Variants in PPM1E observed in about 807,000 individuals in gnomAD.
The protein encoded by PPM1E is protein phosphatase 1E.
A neutral mutation model predicts 65.9 loss-of-function variants in PPM1E; 20 were observed. The ratio of observed to expected loss-of-function variants is 0.30; its 90% CI spans 0.21 to 0.44. The LOEUF (loss-of-function observed/expected upper bound fraction) is 0.44. PPM1E is among the 20% of genes least tolerant of loss of function. The probability of loss-of-function intolerance (pLI) is 1.00; values close to 1 mark genes in which losing one functional copy is unlikely to be tolerated. For missense variants in PPM1E, 713 were observed against 953.1 expected (o/e 0.75, Z 3.32); for synonymous variants, 352 against 374.9 (o/e 0.94, Z 0.70).
intron 1 of PPM1E, among the ~76,000 whole-genome samples, chr17:58,942,398 G>T (rs888387651): frequency 6.6e-6 from 1 of 152,088 alleles, no homozygotes; most frequent in Non-Finnish European, 1.5e-5. Flanking sequence ...AAAAGAAAAA[G>T]AAATATTGAT....
Position 58,980,669 on chromosome 17 carries a change from G to C in PPM1E, c.1906G>C (p.Gly636Arg), listed in dbSNP as rs751110645. ...FPTAFNLGST[G>R]EQIYRMQSLS... is the part of the protein sequence containing the mutation. ...CACTGCTTTCAATTTGGGTTCAACA[G>C]GGGAGCAGATATACAGAATGCAGAG... Residue 636 changes from glycine (G) to arginine (R), a missense_variant, in exon 7 of 7, where the codon GGG becomes CGG. This residue lies in a region of PPM1E where 286 missense variants were observed against 313.8 expected (regional missense o/e 0.91). Coordinates refer to ENST00000308249, the MANE Select transcript of PPM1E (RefSeq NM_014906.5). This position sits in a 1 kb window ranked among gnomAD's most constrained non-coding sequence, Gnocchi z 4.7. The C allele has an allele frequency of 1.2e-6, 2 of 1,614,198 alleles. No individual in the cohort carries two copies. The highest frequency in any genetic ancestry group is 1.1e-5 in the South Asian group (1 of 91,084).
chr17:58,775,862 C>T (rs1443742821), intron 1 of PPM1E, among the ~76,000 whole-genome samples: 1 of 129,178 alleles, frequency 7.7e-6, no homozygotes, highest in Non-Finnish European at 1.6e-5. Context: ...TGCAGTGAGC[C>T]GAGATTGCGC....
intron 1 of PPM1E, among the ~76,000 whole-genome samples, chr17:58,932,638 G>C (rs991500935): frequency 2.0e-5 from 3 of 152,252 alleles, no homozygotes; most frequent in Admixed American, 6.5e-5. Context: ...TTTATACCAG[G>C]CCTAGGCCAG....
intron 1 of PPM1E, among the ~76,000 whole-genome samples, chr17:58,937,603 G>A (rs1413123425): frequency 2.0e-5 from 3 of 149,454 alleles, no homozygotes; most frequent in African/African-American, 7.3e-5. Flanking sequence ...ACGGCCGGGT[G>A]TGGTGGCTCA....
At chr17:58,804,975 A>G (rs1233495427) in intron 1 of PPM1E, among the ~76,000 whole-genome samples, 2 of 152,094 alleles carry the variant, frequency 1.3e-5, no homozygotes, top group Non-Finnish European at 1.5e-5. Flanking sequence ...TCTATCTAAC[A>G]GTATTTTTGT....
At chr17:58,965,943 A>G (rs755519269) in intron 3 of PPM1E, 50 bp downstream of exon 3, 39 of 1,531,060 alleles carry the variant, frequency 2.5e-5, no homozygotes, top group Non-Finnish European at 3.4e-5. Flanking sequence ...CAAAACAAAC[A>G]CCTTCATGGT....
rs561029031 is a variant in PPM1E, at chr17:58,953,832, C to T, written c.465-1817C>T. Among the ~76,000 whole-genome samples the T allele has an allele frequency of 2.6e-5, 4 of 151,150 alleles. No homozygotes were observed. The South Asian group carries it at 8.3e-4, about 31-fold the overall frequency. On this transcript the variant is annotated intron_variant, in intron 1 of 6. Transcript: ENST00000308249. The stretch of plus-strand genomic sequence containing the variant: ...GCACGATCTCGGCTCACCGCAACCT[C>T]CGCCTCCTGGGTTCAAGTGATTCTC...
chr17:58,812,303 CAAAAAA>C (rs35132799), intron 1 of PPM1E, among the ~76,000 whole-genome samples: 4 of 49,768 alleles, frequency 8.0e-5, no homozygotes, highest in East Asian at 7.0e-4. Flanking sequence ...GACTCTGTTT[CAAAAAA>C]AAAAAAAAAA....
Position 58,756,074 on chromosome 17 carries a change from G to A in PPM1E, c.77G>A (p.Cys26Tyr), listed in dbSNP as rs749977520. The change falls in exon 1 of 7, where the codon TGC (cysteine) becomes TAC (tyrosine). Residue 26 changes from cysteine (C) to tyrosine (Y), a missense_variant. Cys to Tyr is a radical substitution (Grantham distance 194, BLOSUM62 -2). Around this residue, in one of 6 missense-constraint regions of PPM1E, gnomAD observed 212 missense variants for 204.0 expected, o/e 1.04. Transcript: ENST00000308249. ...ELFLGEFRGP[C>Y]GGGEPEPEPE... ...TTCCTGGGCGAGTTTCGCGGACCGT[G>A]CGGCGGCGGCGAGCCGGAGCCGGAA... The A allele has an allele frequency of 6.2e-7, 1 of 1,610,924 alleles. No homozygotes were observed. Among genetic ancestry groups the A allele is most frequent in the African/African-American group, 1.3e-5 (1 of 74,584 alleles).
chr17:58,765,877 CTTTTTTTTTT>C (rs35401844), intron 1 of PPM1E, among the ~76,000 whole-genome samples: 101 of 122,868 alleles, frequency 8.2e-4, no homozygotes, highest in Non-Finnish European at 1.2e-3. Flanking sequence ...TTTGTAGTTT[CTTTTTTTTTT>C]TTTTTTTTTC....
At chr17:58,859,351 C>G (rs1013097591) in intron 1 of PPM1E, among the ~76,000 whole-genome samples, 2 of 152,220 alleles carry the variant, frequency 1.3e-5, no homozygotes, top group African/African-American at 2.4e-5. Context: ...ACCGTCCTTT[C>G]AAGGCTCAAA....
intron 1 of PPM1E, among the ~76,000 whole-genome samples, chr17:58,888,658 A>G (rs943600811): frequency 2.0e-5 from 3 of 152,018 alleles, no homozygotes; most frequent in Non-Finnish European, 4.4e-5. Context: ...ACACCCGGCC[A>G]GGACTCTTCT....
chr17:58,887,641 G>A (rs2051291646), intron 1 of PPM1E, among the ~76,000 whole-genome samples: 1 of 152,168 alleles, frequency 6.6e-6, no homozygotes, highest in Non-Finnish European at 1.5e-5. Flanking sequence ...TGGAACAAAA[G>A]TGAAAGAATA....
intron 1 of PPM1E, among the ~76,000 whole-genome samples, chr17:58,934,218 T>C (rs1339091128): frequency 2.6e-5 from 4 of 152,160 alleles, no homozygotes; most frequent in Non-Finnish European, 5.9e-5. Context: ...ATAGTACAAT[T>C]TGACTTTTTA....
At chr17:58,951,872 G>T (rs1598672736) in intron 1 of PPM1E, among the ~76,000 whole-genome samples, 1 of 152,112 alleles carries the variant, frequency 6.6e-6, no homozygotes, top group Non-Finnish European at 1.5e-5. Flanking sequence ...ATTGGGGTTT[G>T]TTCCTGGAAA....
intron 1 of PPM1E, among the ~76,000 whole-genome samples, chr17:58,934,813 G>GT (rs1214711378): frequency 6.6e-6 from 1 of 151,842 alleles, no homozygotes; most frequent in Non-Finnish European, 1.5e-5. Context: ...TGTAATCCCA[G>GT]CTACTCAGGA....
chr17:58,766,606 TACACAC>T (rs36067765), intron 1 of PPM1E, among the ~76,000 whole-genome samples: 15 of 123,672 alleles, frequency 1.2e-4, no homozygotes, highest in South Asian at 6.7e-4. Context: ...TGTGTGTGTA[TACACAC>T]ACACACACAC....
chr17:58,881,631 C>T (rs12953061), intron 1 of PPM1E, among the ~76,000 whole-genome samples: 3 of 152,102 alleles, frequency 2.0e-5, no homozygotes, highest in East Asian at 3.9e-4. Context: ...CACTGCACTC[C>T]AGCCTGGTGA....
At chr17:58,836,836 ACGGT>A (rs1215190897) in intron 1 of PPM1E, among the ~76,000 whole-genome samples, 2 of 146,138 alleles carry the variant, frequency 1.4e-5, no homozygotes, top group African/African-American at 2.5e-5. Flanking sequence ...CCTGGCTAAC[ACGGT>A]GAAACCCCGT....
Sources: gnomAD v4.1 joint callset for allele counts (sites outside exome capture counted in the v4.1 genomes callset) on GRCh38, gnomAD v4.1.1 for gene constraint, gnomAD v4.1.1 regional missense constraint, Gnocchi (gnomAD v3.1) non-coding constraint, MANE v1.5 for transcripts, NCBI Gene and HGNC (gene_info 2026-07-23, HGNC 2026-07-21) for gene names.